The following ZFAND6 variants were observed in gnomAD, a reference collection of about 807,000 sequenced individuals.
ZFAND6 encodes AN1-type zinc finger protein 6.
ZFAND6 carries 12 observed loss-of-function variants against 24.5 expected under a neutral mutation model. The observed-to-expected ratio is 0.49, with a 90% CI of 0.31 to 0.79. ZFAND6 has a LOEUF of 0.79. Among genes scored for constraint, ZFAND6 ranks in the 30% least tolerant of loss-of-function variants. ZFAND6 has a pLI of 0.04. For synonymous variants in ZFAND6, 92 were observed against 81.5 expected, an observed-to-expected ratio of 1.13 and a Z score of -0.69; for missense variants, 207 against 245.9, an observed-to-expected ratio of 0.84 and a Z score of 1.06.
chr15:80,066,586 T>C (rs2036652656), intron 1 of ZFAND6, among the ~76,000 whole-genome samples: 1 of 152,106 alleles, frequency 6.6e-6, no homozygotes, highest in South Asian at 2.1e-4. Context: ...GTGCTGGGAT[T>C]ACAGGCGTGA....
At chr15:80,076,907 A>T (rs937679013) in intron 1 of ZFAND6, among the ~76,000 whole-genome samples, 20 of 136,604 alleles carry the variant, frequency 1.5e-4, no homozygotes, top group African/African-American at 4.2e-4. Flanking sequence ...AACAAACATT[A>T]AAAAAAAAAA....
At chr15:80,083,099 C>T (rs1334397486) in intron 1 of ZFAND6, among the ~76,000 whole-genome samples, 1 of 152,168 alleles carries the variant, frequency 6.6e-6, no homozygotes, top group Non-Finnish European at 1.5e-5. Context: ...TCACGCCATT[C>T]TCCTGCCTCA....
At chr15:80,061,246 G>C (rs2036317315) in intron 1 of ZFAND6, among the ~76,000 whole-genome samples, 1 of 152,094 alleles carries the variant, frequency 6.6e-6, no homozygotes, top group Non-Finnish European at 1.5e-5. Flanking sequence ...AGGGGTCGGT[G>C]GATTTATTAT....
intron 2 of ZFAND6, among the ~76,000 whole-genome samples, chr15:80,109,100 A>G (rs1486662617): frequency 6.6e-6 from 1 of 152,166 alleles, no homozygotes; most frequent in Non-Finnish European, 1.5e-5. Context: ...ATCTCTTCTT[A>G]AACAGCAAAT....
chr15:80,116,838 T>C (rs2039897609), intron 2 of ZFAND6, among the ~76,000 whole-genome samples: 1 of 151,922 alleles, frequency 6.6e-6, no homozygotes, highest in Non-Finnish European at 1.5e-5. Context: ...CCTAAGACAA[T>C]TATTCTTCCA....
intron 1 of ZFAND6, among the ~76,000 whole-genome samples, chr15:80,097,647 G>A (rs2038804812): frequency 8.5e-6 from 1 of 118,250 alleles, no homozygotes; most frequent in Non-Finnish European, 1.9e-5. Context: ...GAACGAAACT[G>A]TCTCAAATAA....
intron 1 of ZFAND6, among the ~76,000 whole-genome samples, chr15:80,087,778 C>T (rs1263060229): frequency 6.6e-6 from 1 of 152,168 alleles, no homozygotes; most frequent in African/African-American, 2.4e-5. Flanking sequence ...AGCTTTCATA[C>T]ATCGTTTTTC....
At chr15:80,071,315 A>C (rs1490927074) in intron 1 of ZFAND6, among the ~76,000 whole-genome samples, 1 of 152,208 alleles carries the variant, frequency 6.6e-6, no homozygotes, top group Non-Finnish European at 1.5e-5. Flanking sequence ...GATGCAAACC[A>C]TACATTGAAA....
intron 1 of ZFAND6, among the ~76,000 whole-genome samples, chr15:80,070,400 A>G (rs2036907478): frequency 6.6e-6 from 1 of 152,200 alleles, no homozygotes; most frequent in Admixed American, 6.5e-5. Flanking sequence ...CCTGAGAAGC[A>G]ATATTGTTTT....
intron 5 of ZFAND6, chr15:80,130,317 C>G (rs768480518): frequency 5.3e-5 from 8 of 152,254 alleles, no homozygotes; most frequent in Middle Eastern, 3.4e-3. Context: ...GGAATAGATT[C>G]TAAGAAGTGT....
chr15:80,097,609 A>G (rs2038801981), intron 1 of ZFAND6, among the ~76,000 whole-genome samples: 1 of 152,108 alleles, frequency 6.6e-6, no homozygotes. Context: ...AGATCGCACC[A>G]TTGCATGCAC....
intron 5 of ZFAND6, chr15:80,129,856 G>T (rs746753783): frequency 6.6e-5 from 10 of 152,218 alleles, no homozygotes; most frequent in Non-Finnish European, 1.2e-4. Flanking sequence ...GACAGGAGGG[G>T]CATAGAAAGA....
intron 2 of ZFAND6, among the ~76,000 whole-genome samples, chr15:80,110,451 T>G (rs1269035011): frequency 6.6e-6 from 1 of 152,164 alleles, no homozygotes; most frequent in African/African-American, 2.4e-5. Flanking sequence ...TACAGTAGTA[T>G]TAGCACATCT....
chr15:80,087,324 G>A (rs2038065763), intron 1 of ZFAND6, among the ~76,000 whole-genome samples: 1 of 152,130 alleles, frequency 6.6e-6, no homozygotes, highest in African/African-American at 2.4e-5. Context: ...AAATCGGTGT[G>A]GTCAGTCTTT....
At position 80,137,919 on chromosome 15, in the gene ZFAND6, A is replaced by AT. The variant is rs2040934683; in HGVS notation, c.*296dup. The AT allele has an allele frequency of 4.1e-6, 1 of 244,914 alleles. No individual in the cohort carries two copies. The highest frequency in any genetic ancestry group is 7.8e-6 in the Non-Finnish European group (1 of 128,852). The allele number at this position is 244,914 out of a possible 1,614,324, so 15.2% of individuals were successfully genotyped here. Reference sequence around the variant, plus strand: ...CGTGCAGAAATTTTGGAGGGCTGTGATTTTTCCAGTATTAAACATGCATGC... The same window carrying AT: ...CGTGCAGAAATTTTGGAGGGCTGTGATTTTTTCCAGTATTAAACATGCATGC... On this transcript the variant is annotated 3_prime_UTR_variant, in exon 7 of 7. Coordinates refer to ENST00000261749, the MANE Select transcript of ZFAND6 (RefSeq NM_019006.4).
intron 1 of ZFAND6, among the ~76,000 whole-genome samples, chr15:80,071,853 A>G (rs2036997249): frequency 6.6e-6 from 1 of 152,072 alleles, no homozygotes; most frequent in South Asian, 2.1e-4. Flanking sequence ...GCCAATGGTT[A>G]AGCATTAACC....
At chr15:80,128,215 T>C (rs2040453916) in intron 5 of ZFAND6, among the ~76,000 whole-genome samples, 1 of 152,224 alleles carries the variant, frequency 6.6e-6, no homozygotes, top group Non-Finnish European at 1.5e-5. Context: ...TTTCCCTTAA[T>C]GTGACTTAAA....
intron 6 of ZFAND6, among the ~76,000 whole-genome samples, chr15:80,136,989 C>T (rs1264522416): frequency 6.6e-6 from 1 of 152,184 alleles, no homozygotes. Flanking sequence ...GGCTCTAGAT[C>T]CCGTGCTCTT....
intron 2 of ZFAND6, among the ~76,000 whole-genome samples, chr15:80,113,816 C>G (rs1179673827): frequency 7.4e-6 from 1 of 134,470 alleles, no homozygotes; most frequent in Non-Finnish European, 1.6e-5. Context: ...TAGAGTTTAG[C>G]TGGGAACAGA....
Sources: allele counts gnomAD v4.1 joint callset (sites outside exome capture counted in the v4.1 genomes callset), GRCh38; gene constraint gnomAD v4.1.1; transcripts MANE v1.5; gene names NCBI Gene and HGNC (gene_info 2026-07-23, HGNC 2026-07-21).